Variants in NWD2 observed in about 807,000 individuals in gnomAD.
NWD2 encodes NACHT and WD repeat domain containing 2, also known as NACHT and WD repeat domain-containing protein 2.
NWD2 carries 37 observed loss-of-function variants against 132.7 expected under a neutral mutation model. The observed-to-expected ratio is 0.28, with a 90% CI of 0.21 to 0.37. The LOEUF (loss-of-function observed/expected upper bound fraction) is 0.37. NWD2 is among the 10% of genes least tolerant of loss of function. NWD2 has a pLI of 1.00. For missense variants in NWD2, 1,592 were observed against 2,122.4 expected (o/e 0.75, Z 4.91); for synonymous variants, 705 against 803.0 (o/e 0.88, Z 2.06).
chr4:37,325,888 A>G (rs1719163606), intron 1 of NWD2, 48 bp from the exon 2 acceptor site: 3 of 1,134,936 alleles, frequency 2.6e-6, no homozygotes, highest in South Asian at 1.4e-5. Flanking sequence ...TGCCAGAAAC[A>G]TATGTGTGGA....
At chr4:37,307,383 A>G (rs914942898) in intron 1 of NWD2, among the ~76,000 whole-genome samples, 1 of 152,016 alleles carries the variant, frequency 6.6e-6, no homozygotes, top group African/African-American at 2.4e-5. Flanking sequence ...TTTCTGAAGG[A>G]TAAGTTTGTT....
At chr4:37,424,155 C>T (rs1296539299) in intron 3 of NWD2, among the ~76,000 whole-genome samples, 1 of 152,070 alleles carries the variant, frequency 6.6e-6, no homozygotes, top group Non-Finnish European at 1.5e-5. Flanking sequence ...ATTGAACATG[C>T]CATAGTCCTT....
At position 37,380,787 on chromosome 4, in the gene NWD2, A is replaced by C. The variant is rs372460623; in HGVS notation, c.357+24305A>C. Among the ~76,000 whole-genome samples the C allele has an allele frequency of 3.0e-3, 450 of 152,320 alleles. 4 individuals are homozygous for C. The highest frequency in any genetic ancestry group is 0.01 in the African/African-American group (430 of 41,574). On this transcript the variant is annotated intron_variant, in intron 3 of 6. Transcript: ENST00000309447. The stretch of plus-strand genomic sequence containing the variant: ...CACAGCTAGCAAGTGATGAAGCTAG[A>C]ATGTGAGCAGGCAGGTGGAATTCGG...
intron 3 of NWD2, among the ~76,000 whole-genome samples, chr4:37,428,524 A>T (rs1259418003): frequency 6.6e-6 from 1 of 152,262 alleles, no homozygotes; most frequent in Non-Finnish European, 1.5e-5. Flanking sequence ...CCAGAAGTTC[A>T]GCCACCTGGA....
At chr4:37,247,724 C>T (rs1367393983) in intron 1 of NWD2, among the ~76,000 whole-genome samples, 1 of 152,064 alleles carries the variant, frequency 6.6e-6, no homozygotes, top group Non-Finnish European at 1.5e-5. Flanking sequence ...ATTCTCCTGC[C>T]TCAGCCTCCA....
intron 3 of NWD2, among the ~76,000 whole-genome samples, chr4:37,415,777 T>C (rs1248879216): frequency 6.6e-6 from 1 of 151,668 alleles, no homozygotes; most frequent in African/African-American, 2.4e-5. Flanking sequence ...AGTTAAGGAT[T>C]AGGCACATAC....
chr4:37,345,314 TGAGCC>T (rs1365414909), intron 2 of NWD2, among the ~76,000 whole-genome samples: 1 of 152,208 alleles, frequency 6.6e-6, no homozygotes, highest in East Asian at 1.9e-4. Context: ...CCAAAGTGGC[TGAGCC>T]ATTTTGTATT....
At chr4:37,368,139 C>T (rs1475141100) in intron 3 of NWD2, among the ~76,000 whole-genome samples, 3 of 152,024 alleles carry the variant, frequency 2.0e-5, no homozygotes, top group South Asian at 4.2e-4. Context: ...GCTGTGTTGC[C>T]GCAGGCTTTA....
chr4:37,312,443 T>A (rs1346997798), intron 1 of NWD2, among the ~76,000 whole-genome samples: 1 of 151,064 alleles, frequency 6.6e-6, no homozygotes, highest in African/African-American at 2.5e-5. Context: ...CTGTTATTGG[T>A]GTATAGGAAT....
chr4:37,439,211 A>T lies in NWD2; in HGVS notation c.1117A>T (p.Ile373Phe). Residue 373 changes from isoleucine (I) to phenylalanine (F), a missense_variant, in exon 6 of 7, where the codon ATC becomes TTC. Ile to Phe is a conservative substitution (Grantham distance 21). This residue lies in a region of NWD2 where 1,071 missense variants were observed against 1,398.0 expected (regional missense o/e 0.77). Transcript: ENST00000309447. This position sits in a 1 kb window ranked among gnomAD's most constrained non-coding sequence, Gnocchi z 4.5. The part of the protein sequence containing the change: ...DTETDTLYDE[I>F]LQHSSLCKTY... ...TGAAACTGATACACTCTATGATGAA[A>T]TCCTTCAACATTCATCATTATGTAA... is the stretch of plus-strand genomic sequence containing the variant. 6.4e-7 allele frequency: 1 copy of T among 1,550,666 alleles called. No individual in the cohort carries two copies. Among genetic ancestry groups the T allele is most frequent in the Non-Finnish European group, 8.7e-7 (1 of 1,146,592 alleles).
chr4:37,264,653 G>C lies in NWD2; in HGVS notation c.151+19435G>C, dbSNP rs1013476998. ...AACATATAACCAGACATTTTCAAAA[G>C]TTCAAAAGTAAAATGTAAAAATGAG... is the stretch of plus-strand genomic sequence containing the variant. On this transcript the variant is annotated intron_variant, in intron 1 of 6. Transcript: ENST00000309447. Among the ~76,000 whole-genome samples, 4 of 152,000 alleles carry C rather than the reference G, an allele frequency of 2.6e-5. No individual in the cohort carries two copies. In the East Asian group the frequency reaches 5.8e-4, roughly 22 times the overall value.
chr4:37,312,278 A>G (rs933452504), intron 1 of NWD2, among the ~76,000 whole-genome samples: 8 of 151,004 alleles, frequency 5.3e-5, no homozygotes, highest in Non-Finnish European at 1.0e-4. Flanking sequence ...ATGTTCTTCC[A>G]TTTGTTTGCA....
At chr4:37,289,374 A>G (rs1007352783) in intron 1 of NWD2, among the ~76,000 whole-genome samples, 7 of 152,204 alleles carry the variant, frequency 4.6e-5, no homozygotes, top group Non-Finnish European at 8.8e-5. Context: ...AGGCCAACCA[A>G]CCATTTTTTG....
intron 3 of NWD2, among the ~76,000 whole-genome samples, chr4:37,423,783 T>G (rs1040852988): frequency 3.9e-5 from 6 of 152,218 alleles, no homozygotes; most frequent in Non-Finnish European, 7.3e-5. Flanking sequence ...GGTCCAGTCA[T>G]GTTGACACAT....
rs924668039 is a variant in NWD2 at position 37,281,821 on chromosome 4, A to G, written c.151+36603A>G. Among the ~76,000 whole-genome samples, 4 of 152,324 alleles carry G rather than the reference A, an allele frequency of 2.6e-5. No individual in the cohort carries two copies. In the South Asian group the frequency reaches 8.3e-4, roughly 32 times the overall value. ...TAACATTTCGATAATCATGGTTACAATCAAATTATTTTAAACAAATTTGTG... is the reference window on the plus strand; with the variant it reads ...TAACATTTCGATAATCATGGTTACAGTCAAATTATTTTAAACAAATTTGTG... On this transcript the variant is annotated intron_variant, in intron 1 of 6. Coordinates refer to ENST00000309447, the MANE Select transcript of NWD2 (RefSeq NM_001144990.2).
intron 2 of NWD2, among the ~76,000 whole-genome samples, chr4:37,327,788 C>T (rs1317290826): frequency 1.3e-5 from 2 of 152,080 alleles, no homozygotes; most frequent in East Asian, 3.9e-4. Context: ...TCTCTTCTCT[C>T]AACTCAACAA....
intron 1 of NWD2, among the ~76,000 whole-genome samples, chr4:37,311,558 C>T (rs1287026536): frequency 6.7e-6 from 1 of 149,362 alleles, no homozygotes; most frequent in Non-Finnish European, 1.5e-5. Context: ...GAGTAGGTTG[C>T]AAAAATTTTC....
intron 1 of NWD2, among the ~76,000 whole-genome samples, chr4:37,294,214 T>C (rs1387390917): frequency 6.6e-6 from 1 of 152,166 alleles, no homozygotes; most frequent in Non-Finnish European, 1.5e-5. Context: ...CCTACACCAT[T>C]GAAACAGTAC....
chr4:37,253,466 A>G (rs1717439012), intron 1 of NWD2, among the ~76,000 whole-genome samples: 2 of 152,172 alleles, frequency 1.3e-5, no homozygotes, highest in South Asian at 4.1e-4. Context: ...TCATGTCCCA[A>G]GGGATAGAAG....
Sources: allele counts gnomAD v4.1 joint callset (sites outside exome capture counted in the v4.1 genomes callset), GRCh38; gene constraint gnomAD v4.1.1; regional missense constraint gnomAD v4.1.1; non-coding constraint Gnocchi (gnomAD v3.1); transcripts MANE v1.5; gene names NCBI Gene and HGNC (gene_info 2026-07-23, HGNC 2026-07-21).